EVL: variants seen among roughly 807,000 people sequenced by gnomAD.
The protein encoded by EVL is ena/VASP-like protein.
In EVL, 21 loss-of-function variants were observed where a neutral mutation model predicts 59.6. The ratio of observed to expected loss-of-function variants is 0.35; its 90% CI spans 0.25 to 0.51. The LOEUF is 0.51. Ranked by LOEUF, EVL falls within the 20% of genes least tolerant of loss-of-function variation. The probability of loss-of-function intolerance (pLI) is 0.97; values close to 1 mark genes in which losing one functional copy is unlikely to be tolerated. For missense variants in EVL, 462 were observed against 546.6 expected, an observed-to-expected ratio of 0.85 and a Z score of 1.54; for synonymous variants, 198 against 203.5, an observed-to-expected ratio of 0.97 and a Z score of 0.23.
intron 3 of EVL, among the ~76,000 whole-genome samples, chr14:100,103,699 A>G (rs74085106): frequency 0.066 from 9,979 of 152,138 alleles, 996 homozygotes; most frequent in African/African-American, 0.21. Context: ...TGTAACATTA[A>G]GGCCCGGCTG....
chr14:99,975,863 T>G (rs946757868), intron 1 of EVL, among the ~76,000 whole-genome samples: 2 of 152,186 alleles, frequency 1.3e-5, no homozygotes, highest in African/African-American at 4.8e-5. Context: ...GTCTCTTAAC[T>G]GTTTCTCTGC....
At chr14:100,091,391 C>G (rs1181313930) in intron 2 of EVL, among the ~76,000 whole-genome samples, 1 of 132,480 alleles carries the variant, frequency 7.5e-6, no homozygotes, top group Non-Finnish European at 1.5e-5. Flanking sequence ...CTGGGTTTCC[C>G]CACTCTGTTA....
chr14:100,072,705 T>G (rs961651059), intron 1 of EVL, among the ~76,000 whole-genome samples: 38 of 152,240 alleles, frequency 2.5e-4, no homozygotes, highest in Admixed American at 2.4e-3. Flanking sequence ...CAGAGATAAC[T>G]CACATGTGGC....
chr14:100,055,498 T>A (rs2061714342), intron 1 of EVL, among the ~76,000 whole-genome samples: 1 of 152,264 alleles, frequency 6.6e-6, no homozygotes, highest in African/African-American at 2.4e-5. Flanking sequence ...TGGAAAACTT[T>A]CTGAAATCTT....
At chr14:100,055,055 T>C (rs977702610) in intron 1 of EVL, among the ~76,000 whole-genome samples, 3 of 152,024 alleles carry the variant, frequency 2.0e-5, no homozygotes, top group Non-Finnish European at 2.9e-5. Flanking sequence ...ACGAATTAGC[T>C]GGGCATTGTG....
intron 1 of EVL, among the ~76,000 whole-genome samples, chr14:100,031,954 G>A (rs939108867): frequency 4.6e-5 from 7 of 152,232 alleles, no homozygotes; most frequent in Admixed American, 6.5e-5. Context: ...GAAGATGAGC[G>A]CCCCCTCGCA....
chr14:100,131,729 T>C (rs1888448383), intron 7 of EVL, among the ~76,000 whole-genome samples: 1 of 152,138 alleles, frequency 6.6e-6, no homozygotes, highest in African/African-American at 2.4e-5. Flanking sequence ...GATAGGGGCA[T>C]GCAGGAAGGT....
intron 6 of EVL, 99 bp downstream of exon 6, chr14:100,128,847 A>G (rs938562646): frequency 1.9e-6 from 2 of 1,066,908 alleles, no homozygotes; most frequent in Non-Finnish European, 2.8e-6. Context: ...AGACACAGCA[A>G]ACTGCTTCCC....
chr14:100,092,465 T>C (rs368838725), intron 2 of EVL, among the ~76,000 whole-genome samples: 1 of 152,188 alleles, frequency 6.6e-6, no homozygotes, highest in Non-Finnish European at 1.5e-5. Context: ...CCAGACTCAG[T>C]GGTTCACACC....
intron 1 of EVL, among the ~76,000 whole-genome samples, chr14:100,004,182 C>T (rs933540838): frequency 3.9e-5 from 6 of 152,142 alleles, no homozygotes; most frequent in Non-Finnish European, 7.4e-5. Context: ...CCAGCCTGGG[C>T]GACAGAGTGA....
rs370658826 is a variant in EVL, at chr14:100,128,539, C to T, written c.508C>T (p.His170Tyr). The T allele has an allele frequency of 2.5e-6, 4 of 1,611,676 alleles. No homozygotes were observed. Among genetic ancestry groups the T allele is most frequent in the African/African-American group, 2.7e-5 (2 of 74,942 alleles). The part of the protein sequence containing the change: ...SATGPILPPG[H>Y]PSSAASAPVS... ...TTCAGGGCCCATCCTCCCACCAGGACATCCTTCATCTGCAGCCAGCGCCCC... is the reference window on the plus strand; with the variant it reads ...TTCAGGGCCCATCCTCCCACCAGGATATCCTTCATCTGCAGCCAGCGCCCC... The change falls in exon 6 of 14, where the codon CAT becomes TAT. Residue 170 changes from histidine (H) to tyrosine (Y), a missense_variant. By Grantham distance (83) the His-to-Tyr change is moderately conservative. Coordinates refer to ENST00000392920, the MANE Select transcript of EVL (RefSeq NM_016337.3).
intron 1 of EVL, among the ~76,000 whole-genome samples, chr14:100,016,455 G>C (rs368598313): frequency 1.3e-5 from 2 of 152,342 alleles, no homozygotes; most frequent in East Asian, 3.9e-4. Context: ...CTTGAACCCA[G>C]GAGGCAGAGG....
At chr14:99,976,332 G>A (rs2060770053) in intron 1 of EVL, among the ~76,000 whole-genome samples, 1 of 152,018 alleles carries the variant, frequency 6.6e-6, no homozygotes, top group Admixed American at 6.6e-5. Flanking sequence ...ATGAGCCATT[G>A]TGCCCAGCTG....
At chr14:100,123,250 G>T (rs750663064) in intron 3 of EVL, among the ~76,000 whole-genome samples, 16 of 152,230 alleles carry the variant, frequency 1.1e-4, no homozygotes, top group African/African-American at 2.9e-4. Flanking sequence ...AAGATAGTTT[G>T]AGAGAGAAGG....
intron 3 of EVL, among the ~76,000 whole-genome samples, chr14:100,112,899 C>T (rs1887093306): frequency 6.6e-6 from 1 of 152,196 alleles, no homozygotes; most frequent in African/African-American, 2.4e-5. Flanking sequence ...AATTACTGAG[C>T]ACCTATTCTG....
intron 1 of EVL, among the ~76,000 whole-genome samples, chr14:100,054,035 T>A (rs1477668726): frequency 6.7e-6 from 1 of 150,194 alleles, no homozygotes; most frequent in Non-Finnish European, 1.5e-5. Flanking sequence ...TTTTTGCATT[T>A]TATTATTTTT....
intron 1 of EVL, among the ~76,000 whole-genome samples, chr14:100,028,019 G>C (rs72711908): frequency 0.016 from 2,481 of 152,196 alleles, 32 homozygotes; most frequent in Non-Finnish European, 0.027. Flanking sequence ...CAGTAAGCTT[G>C]GGAGTAAAAT....
At chr14:100,008,485 C>G (rs1049887354) in intron 1 of EVL, among the ~76,000 whole-genome samples, 7 of 152,138 alleles carry the variant, frequency 4.6e-5, no homozygotes, top group African/African-American at 1.7e-4. Context: ...CATGTTCTTG[C>G]GTGTAACACA....
chr14:100,018,003 C>T (rs116647073), intron 1 of EVL, among the ~76,000 whole-genome samples: 5,799 of 152,328 alleles, frequency 0.038, 152 homozygotes, highest in African/African-American at 0.062. Context: ...ACTCTTCTCC[C>T]TGATAAAAGC....
Sources: gnomAD v4.1 joint callset for allele counts (sites outside exome capture counted in the v4.1 genomes callset) on GRCh38, gnomAD v4.1.1 for gene constraint, MANE v1.5 for transcripts, NCBI Gene and HGNC (gene_info 2026-07-23, HGNC 2026-07-21) for gene names.